Variants in POFUT1 observed in about 807,000 individuals in gnomAD.
POFUT1 encodes the protein protein O-fucosyltransferase 1, also known as GDP-fucose protein O-fucosyltransferase 1.
A neutral mutation model predicts 42.4 loss-of-function variants in POFUT1; 16 were observed. The ratio of observed to expected loss-of-function variants is 0.38; its 90% CI spans 0.26 to 0.57. The LOEUF (loss-of-function observed/expected upper bound fraction) is 0.57. Among genes scored for constraint, POFUT1 ranks in the 20% least tolerant of loss-of-function variants. The pLI, the probability that POFUT1 is intolerant of heterozygous loss-of-function variation, is 0.71. For missense variants in POFUT1, 470 were observed against 504.6 expected (o/e 0.93, Z 0.66); for synonymous variants, 206 against 205.4 (o/e 1.00, Z -0.03).
chr20:32,221,440 G>T lies in POFUT1; in HGVS notation c.542+4719G>T, dbSNP rs75630915. On this transcript the variant is annotated intron_variant, in intron 4 of 6. Coordinates refer to ENST00000375749, the MANE Select transcript of POFUT1 (RefSeq NM_015352.2). ...TTTCAAGAAGTGCTTGTCAGGCATA[G>T]TGGCTCACACCTGTAATCCTAAGGG... Among the ~76,000 whole-genome samples the T allele has an allele frequency of 9.9e-3, 1,500 of 152,224 alleles. 27 individuals carry two copies. The highest frequency in any genetic ancestry group is 0.034 in the African/African-American group (1,427 of 41,532).
At chr20:32,212,958 C>A (rs1029340780) in intron 2 of POFUT1, among the ~76,000 whole-genome samples, 1 of 151,860 alleles carries the variant, frequency 6.6e-6, no homozygotes, top group African/African-American at 2.4e-5. Flanking sequence ...GATCTTGGCT[C>A]ACCACAACCT....
Position 32,215,416 on chromosome 20 carries a change from C to G in POFUT1, c.394C>G (p.Gln132Glu). 1 of 1,613,600 alleles carries G rather than the reference C, an allele frequency of 6.2e-7. No individual in the cohort carries two copies. Among genetic ancestry groups the G allele is most frequent in the Non-Finnish European group, 8.5e-7 (1 of 1,179,720 alleles). ...GGCATACTGCTTTGAGGTGGCAGCC[C>G]AGCGAAGCCCAGATAAGAAGACGTG... The part of the protein sequence containing the change: ...RVAYCFEVAA[Q>E]RSPDKKTCPM... The change falls in exon 3 of 7, where the codon CAG (glutamine) becomes GAG (glutamate). Residue 132 changes from glutamine (Q) to glutamate (E), a missense_variant. Physicochemically the swap from Gln to Glu is conservative, Grantham distance 29. Coordinates refer to ENST00000375749, the MANE Select transcript of POFUT1 (RefSeq NM_015352.2).
chr20:32,230,955 A>G lies in POFUT1; in HGVS notation c.872A>G (p.Gln291Arg), dbSNP rs2122601396. The part of the protein sequence containing the change: ...TMCLPDLKEI[Q>R]RAVKLWVRSL... ...TGCCTGCCTGACCTGAAGGAGATCC[A>G]GAGGGCTGTGAAGCTCTGGGTGAGG... The change falls in exon 6 of 7, where the codon CAG (glutamine) becomes CGG (arginine). Residue 291 changes from glutamine to arginine, a missense_variant. Physicochemically the swap from Gln to Arg is conservative, Grantham distance 43 (BLOSUM62 1). Coordinates refer to ENST00000375749, the MANE Select transcript of POFUT1 (RefSeq NM_015352.2). The G allele has an allele frequency of 6.2e-7, 1 of 1,614,224 alleles. No individual in the cohort carries two copies. The highest frequency in any genetic ancestry group is 2.2e-5 in the East Asian group (1 of 44,886).
intron 5 of POFUT1, 50 bp from the exon 6 acceptor site, chr20:32,230,769 G>A (rs765754976): frequency 4.4e-6 from 7 of 1,595,124 alleles, no homozygotes; most frequent in East Asian, 4.5e-5. Flanking sequence ...CTTGCTTCTG[G>A]GGTTCCAGGG....
At chr20:32,226,569 G>T (rs975722721) in intron 4 of POFUT1, among the ~76,000 whole-genome samples, 1 of 151,970 alleles carries the variant, frequency 6.6e-6, no homozygotes, top group African/African-American at 2.4e-5. Flanking sequence ...GGATCCTTGT[G>T]TTGCCAGTTT....
intron 4 of POFUT1, chr20:32,217,277 G>C: frequency 7.3e-7 from 1 of 1,371,072 alleles, no homozygotes; most frequent in Non-Finnish European, 9.4e-7. Flanking sequence ...AGGATGACCA[G>C]CTCTGGTTTT....
chr20:32,224,249 G>A (rs548609418), intron 4 of POFUT1, among the ~76,000 whole-genome samples: 23 of 152,090 alleles, frequency 1.5e-4, no homozygotes, highest in African/African-American at 4.6e-4. Context: ...AAAATTAGCC[G>A]GGCATGGTGG....
In POFUT1 at chr20:32,234,583, G is replaced by A. The variant is rs1439764048; in HGVS notation, c.1089G>A (p.Lys363=). The A allele has an allele frequency of 6.2e-7, 1 of 1,614,216 alleles. No homozygotes were observed. The highest frequency in any genetic ancestry group is 2.2e-5 in the East Asian group (1 of 44,888). Residue 363 remains lysine (K), a synonymous_variant, in exon 7 of 7, where the codon AAG becomes AAA. Transcript: ENST00000375749. The part of the protein sequence containing the change: ...NCVSSFTAFV[K]RERDLQGRPS... ...TCTCCTCCTTCACTGCCTTTGTGAA[G>A]CGGGAGCGGGACCTCCAGGGGAGGC...
At chr20:32,219,241 G>C (rs2047378071) in intron 4 of POFUT1, among the ~76,000 whole-genome samples, 1 of 152,136 alleles carries the variant, frequency 6.6e-6, no homozygotes, top group African/African-American at 2.4e-5. Flanking sequence ...AGAGTGAGAT[G>C]GTGCTTAGAA....
chr20:32,207,974 C>A lies in POFUT1; in HGVS notation c.33C>A (p.Ser11Arg). 6.3e-7 allele frequency: 1 copy of A among 1,593,076 alleles called. No individual in the cohort carries two copies. MGAAAWARPL[S>R]VSFLLLLLPL... ...CCGCCGCGTGGGCACGGCCGCTGAGCGTGTCTTTCCTGCTGCTGCTTCTGC... is the reference window on the plus strand; with the variant it reads ...CCGCCGCGTGGGCACGGCCGCTGAGAGTGTCTTTCCTGCTGCTGCTTCTGC... The change falls in exon 1 of 7, where the codon AGC becomes AGA. Residue 11 changes from serine to arginine, a missense_variant. By Grantham distance (110) the Ser-to-Arg change is moderately radical. Transcript: ENST00000375749.
chr20:32,222,930 G>A, intron 4 of POFUT1: 1 of 984,848 alleles, frequency 1.0e-6, no homozygotes, highest in Non-Finnish European at 1.2e-6. Context: ...GTGAGAGGGA[G>A]CCAGCCATGC....
Position 32,238,474 on chromosome 20 carries a change from TTTTC to T in POFUT1, c.*3817_*3820del, listed in dbSNP as rs982124544. 6.6e-6 allele frequency: 1 copy of T among 152,188 alleles called. No homozygotes were observed. Among genetic ancestry groups the T allele is most frequent in the African/African-American group, 2.4e-5 (1 of 41,436 alleles). 9.4% of individuals were successfully genotyped at this position (152,188 alleles called of 1,614,324 possible). A position where few individuals can be genotyped will look rare whatever the true frequency, so the allele number is the denominator to read the frequency against. On this transcript the variant is annotated 3_prime_UTR_variant, in exon 7 of 7. Transcript: ENST00000375749. ...AAAAAATATTTTTATTTGTAAGAGT[TTTTC>T]TTTATTTAAAATGTTCATTAATAAA...
chr20:32,229,755 T>C (rs2047432501), intron 5 of POFUT1, among the ~76,000 whole-genome samples: 1 of 152,030 alleles, frequency 6.6e-6, no homozygotes, highest in Non-Finnish European at 1.5e-5. Context: ...AAAGAACCAC[T>C]GTTAACTCCT....
chr20:32,220,135 GTATCAA>G (rs2047383739), intron 4 of POFUT1, among the ~76,000 whole-genome samples: 1 of 152,208 alleles, frequency 6.6e-6, no homozygotes, highest in African/African-American at 2.4e-5. Context: ...GTTGTAGCCT[GTATCAA>G]AATTTTAGTC....
intron 6 of POFUT1, among the ~76,000 whole-genome samples, chr20:32,231,960 G>A (rs955643911): frequency 1.3e-5 from 2 of 152,198 alleles, no homozygotes; most frequent in Admixed American, 6.5e-5. Context: ...GAGTGAGTAC[G>A]TATTGATAAA....
At chr20:32,208,963 C>T (rs1464020034) in intron 1 of POFUT1, among the ~76,000 whole-genome samples, 2 of 152,128 alleles carry the variant, frequency 1.3e-5, no homozygotes, top group East Asian at 1.9e-4. Context: ...GCCAGGTGCA[C>T]AGTTGAAATG....
chr20:32,223,347 ATCAGCC>A (rs2047399801), intron 4 of POFUT1: 2 of 985,242 alleles, frequency 2.0e-6, no homozygotes, highest in African/African-American at 3.5e-5. Flanking sequence ...AAGTGAGCAG[ATCAGCC>A]TTAGCCTCTT....
At position 32,231,062 on chromosome 20, in the gene POFUT1, GTA is replaced by G. The variant is rs774075147; in HGVS notation, c.978+3_978+4del. On this transcript the variant is annotated splice_donor_variant and splice_donor_region_variant and intron_variant, in intron 6 of 6. Transcript: ENST00000375749. LOFTEE classifies it high-confidence loss of function. ...GCTCCAACAGCTCTTCAAAGGGAAG[GTA>G]TGTGTGGGCCAAGTGGGAGTGCAGT... is the stretch of plus-strand genomic sequence containing the variant. 3 of 1,614,016 alleles carry G rather than the reference GTA, an allele frequency of 1.9e-6. No individual in the cohort carries two copies. The highest frequency in any genetic ancestry group is 2.5e-6 in the Non-Finnish European group (3 of 1,180,030).
chr20:32,217,228 G>A, intron 4 of POFUT1: 1 of 1,416,498 alleles, frequency 7.1e-7, no homozygotes, highest in Non-Finnish European at 9.2e-7. Flanking sequence ...TCACGTGTGA[G>A]ACATAGTAAT....
Sources: gnomAD v4.1 joint callset for allele counts (sites outside exome capture counted in the v4.1 genomes callset) on GRCh38, gnomAD v4.1.1 for gene constraint, MANE v1.5 for transcripts, NCBI Gene and HGNC (gene_info 2026-07-23, HGNC 2026-07-21) for gene names.